The following NXPE4 variants were observed in gnomAD, a reference collection of about 807,000 sequenced individuals.
NXPE4 encodes the protein neurexophilin and PC-esterase domain family member 4.
Under a neutral mutation model 33.3 loss-of-function variants are expected in NXPE4, and 42 were observed. The observed-to-expected ratio is 1.26, with a 90% confidence interval of 0.98 to 1.63. The LOEUF is 1.63. Ranked by LOEUF, NXPE4 falls within the 40% of genes most tolerant of loss-of-function variation. NXPE4 has a pLI of 0.00. For missense variants in NXPE4, 709 were observed against 647.6 expected, an observed-to-expected ratio of 1.09 and a Z score of -1.03; for synonymous variants, 253 against 234.9, an observed-to-expected ratio of 1.08 and a Z score of -0.71.
At chr11:114,595,050 G>T (rs575681059) in intron 1 of NXPE4, among the ~76,000 whole-genome samples, 1 of 152,180 alleles carries the variant, frequency 6.6e-6, no homozygotes, top group South Asian at 2.1e-4. Context: ...ATGCAAGCTT[G>T]CTCGTGTCTA....
At chr11:114,600,862 A>G in the NXPE4 span, among the ~76,000 whole-genome samples, 1 of 152,090 alleles carries the variant, frequency 6.6e-6, no homozygotes, top group Non-Finnish European at 1.5e-5. Context: ...AAACTTTTCT[A>G]TAATTCAAAA....
the NXPE4 span, among the ~76,000 whole-genome samples, chr11:114,637,069 A>C: frequency 6.6e-6 from 1 of 152,008 alleles, no homozygotes; most frequent in South Asian, 2.1e-4. Context: ...GGGGTGTTAA[A>C]GTCTCCCATT....
the NXPE4 span, among the ~76,000 whole-genome samples, chr11:114,649,712 A>G: frequency 6.6e-6 from 1 of 152,200 alleles, no homozygotes; most frequent in Admixed American, 6.5e-5. Flanking sequence ...AAATGATCAT[A>G]GGAGTCCAAG....
At chr11:114,624,936 C>T in the NXPE4 span, among the ~76,000 whole-genome samples, 1 of 149,144 alleles carries the variant, frequency 6.7e-6, no homozygotes, top group African/African-American at 2.5e-5. Context: ...GTGGATAATA[C>T]GTGTTGCCTC....
At chr11:114,623,949 C>A in the NXPE4 span, among the ~76,000 whole-genome samples, 2 of 152,024 alleles carry the variant, frequency 1.3e-5, no homozygotes, top group Non-Finnish European at 2.9e-5. Flanking sequence ...TCTGGGGTAA[C>A]CACTGTTATC....
chr11:114,636,037 A>G, the NXPE4 span, among the ~76,000 whole-genome samples: 1 of 151,886 alleles, frequency 6.6e-6, no homozygotes, highest in East Asian at 1.9e-4. Flanking sequence ...TTCAGAAGGA[A>G]CGGTACCAGT....
At chr11:114,618,356 A>G in the NXPE4 span, among the ~76,000 whole-genome samples, 5 of 151,928 alleles carry the variant, frequency 3.3e-5, no homozygotes, top group Admixed American at 2.0e-4. Context: ...CTGGTCAATA[A>G]TAAGTGTTGC....
chr11:114,624,895 G>A, the NXPE4 span, among the ~76,000 whole-genome samples: 1 of 151,994 alleles, frequency 6.6e-6, no homozygotes, highest in Non-Finnish European at 1.5e-5. Context: ...TGGATAATAA[G>A]TGTGGCCTCA....
At chr11:114,640,455 T>A in the NXPE4 span, among the ~76,000 whole-genome samples, 1 of 151,632 alleles carries the variant, frequency 6.6e-6, no homozygotes, top group South Asian at 2.1e-4. Flanking sequence ...TGACTTCTTT[T>A]CCTCTGGGTA....
In NXPE4 at chr11:114,591,387, A is replaced by T. The variant is rs180836911; in HGVS notation, c.96+3277T>A. Reference sequence around the variant, plus strand: ...ACCACCAGGAAATTAACAGGTTATTATCCTCAGTTTTCCTTCCATGAGAGG... The same window carrying T: ...ACCACCAGGAAATTAACAGGTTATTTTCCTCAGTTTTCCTTCCATGAGAGG... On this transcript the variant is annotated intron_variant, in intron 2 of 5. Coordinates refer to ENST00000375478, the MANE Select transcript of NXPE4 (RefSeq NM_001077639.2). 1.1e-3 allele frequency among the ~76,000 whole-genome samples: 165 copies of T among 152,338 alleles called. 1 individual carries two copies. Among genetic ancestry groups the T allele is most frequent in the African/African-American group, 3.7e-3 (154 of 41,580 alleles).
Position 114,581,706 on chromosome 11 carries a change from C to T in NXPE4, c.892+19G>A. On this transcript the variant is annotated intron_variant, in intron 4 of 5. Coordinates refer to ENST00000375478, the MANE Select transcript of NXPE4 (RefSeq NM_001077639.2). ...GGGTCTAGAACTAGGCACCACCCAC[C>T]AAACACAGGAGTACTTACTGTTGCA... 1 of 1,601,250 alleles carries T rather than the reference C, an allele frequency of 6.2e-7. No homozygotes were observed. Among genetic ancestry groups the T allele is most frequent in the Non-Finnish European group, 8.6e-7 (1 of 1,169,510 alleles).
Position 114,590,887 on chromosome 11 carries a change from C to T in NXPE4, c.96+3777G>A, listed in dbSNP as rs75635815. Among the ~76,000 whole-genome samples, 358 of 152,264 alleles carry T rather than the reference C, an allele frequency of 2.4e-3. 8 individuals are homozygous for T. In the East Asian group the frequency reaches 0.06, roughly 25 times the overall value. Reference sequence around the variant, plus strand: ...TATGGGGAACCTTTGGCTAACAGTCCGTTGGCTCCTTAAATATCAGGCTCT... The same window carrying T: ...TATGGGGAACCTTTGGCTAACAGTCTGTTGGCTCCTTAAATATCAGGCTCT... On this transcript the variant is annotated intron_variant, in intron 2 of 5. Transcript: ENST00000375478.
At chr11:114,662,141 G>T in the NXPE4 span, among the ~76,000 whole-genome samples, 3 of 152,250 alleles carry the variant, frequency 2.0e-5, no homozygotes, top group South Asian at 6.2e-4. Flanking sequence ...TGAAGAAGTA[G>T]GAAAAAGCAA....
chr11:114,576,562 A>C (rs1375708794), intron 5 of NXPE4, among the ~76,000 whole-genome samples: 1 of 152,182 alleles, frequency 6.6e-6, no homozygotes, highest in Non-Finnish European at 1.5e-5. Flanking sequence ...TTCTCCAAAG[A>C]AGATATACAG....
the NXPE4 span, among the ~76,000 whole-genome samples, chr11:114,632,513 T>A: frequency 8.0e-6 from 1 of 124,922 alleles, no homozygotes; most frequent in East Asian, 2.1e-4. Flanking sequence ...TATTTTATTT[T>A]ATATTATATT....
At chr11:114,599,430 C>T (rs766028602), upstream of NXPE4, among the ~76,000 whole-genome samples, 9 of 152,142 alleles carry the variant, frequency 5.9e-5, no homozygotes, top group Non-Finnish European at 1.5e-5. Context: ...GCCTGTTATC[C>T]AGTTAAAGTT....
the NXPE4 span, among the ~76,000 whole-genome samples, chr11:114,658,154 T>A: frequency 6.6e-6 from 1 of 152,316 alleles, no homozygotes; most frequent in Non-Finnish European, 1.5e-5. Flanking sequence ...TTCATTTAAC[T>A]TATTAGAAAT....
chr11:114,655,176 G>GT, the NXPE4 span, among the ~76,000 whole-genome samples: 1 of 152,022 alleles, frequency 6.6e-6, no homozygotes, highest in African/African-American at 2.4e-5. Flanking sequence ...AGGATTGTTT[G>GT]TTTTTTCTTG....
At chr11:114,606,655 G>A in the NXPE4 span, among the ~76,000 whole-genome samples, 14 of 150,992 alleles carry the variant, frequency 9.3e-5, no homozygotes, top group East Asian at 2.0e-4. Flanking sequence ...AGTGTTACTC[G>A]GTGGATAGTA....
Sources: allele counts gnomAD v4.1 joint callset (sites outside exome capture counted in the v4.1 genomes callset), GRCh38; gene constraint gnomAD v4.1.1; transcripts MANE v1.5; gene names NCBI Gene and HGNC (gene_info 2026-07-23, HGNC 2026-07-21).